The following HPSE2 variants were observed in gnomAD, a reference collection of about 807,000 sequenced individuals.
HPSE2 encodes the protein inactive heparanase-2.
A neutral mutation model predicts 60.5 loss-of-function variants in HPSE2; 38 were observed. That is an observed-to-expected ratio of 0.63 (90% CI 0.48 to 0.82). The LOEUF is 0.82. HPSE2 is among the 40% of genes least tolerant of loss of function. HPSE2 has a pLI of 0.00. For synonymous variants in HPSE2, 295 were observed against 293.2 expected, an observed-to-expected ratio of 1.01 and a Z score of -0.06; for missense variants, 713 against 740.4, an observed-to-expected ratio of 0.96 and a Z score of 0.43.
intron 7 of HPSE2, among the ~76,000 whole-genome samples, chr10:98,635,687 C>T (rs1025767097): frequency 6.7e-6 from 1 of 150,216 alleles, no homozygotes; most frequent in South Asian, 2.1e-4. Context: ...GAGGCTGAAG[C>T]AGGAGGAGCG....
At chr10:98,925,897 G>A (rs1954445023) in intron 3 of HPSE2, among the ~76,000 whole-genome samples, 1 of 152,118 alleles carries the variant, frequency 6.6e-6, no homozygotes. Context: ...TTAAAGACAA[G>A]AAGAAAACCC....
chr10:98,991,720 G>C (rs966877357), intron 3 of HPSE2, among the ~76,000 whole-genome samples: 1 of 152,086 alleles, frequency 6.6e-6, no homozygotes, highest in Admixed American at 6.5e-5. Flanking sequence ...GTTTTGAAGA[G>C]AGAAGAGAAA....
At chr10:99,082,742 A>G (rs1843189046) in intron 3 of HPSE2, among the ~76,000 whole-genome samples, 1 of 152,208 alleles carries the variant, frequency 6.6e-6, no homozygotes, top group Admixed American at 6.5e-5. Context: ...ATAAATTCAC[A>G]GGGAATACAA....
the HPSE2 span, among the ~76,000 whole-genome samples, chr10:99,247,995 G>A: frequency 1.6e-3 from 242 of 152,308 alleles, 1 homozygote; most frequent in African/African-American, 5.2e-3. Context: ...AGAACCATGA[G>A]CCAACTAAAC....
upstream of HPSE2, among the ~76,000 whole-genome samples, chr10:99,237,285 C>G (rs1204001903): frequency 3.9e-5 from 6 of 152,156 alleles, no homozygotes; most frequent in Non-Finnish European, 8.8e-5. Flanking sequence ...GTCCAGGGCC[C>G]TCCTTGGTAT....
At position 98,652,363 on chromosome 10, in the gene HPSE2, A is replaced by G. The variant is rs549579810; in HGVS notation, c.1005-10423T>C. Among the ~76,000 whole-genome samples the G allele has an allele frequency of 4.7e-4, 72 of 152,240 alleles. No homozygotes were observed. The South Asian group carries it at 0.014, about 29-fold the overall frequency. On this transcript the variant is annotated intron_variant, in intron 6 of 11. Transcript: ENST00000370552. ...CATCGTCTCTGCCTCTGTTCTTTAC[A>G]TCTGTGTATCCTACTAAGCCTCATG... is the stretch of plus-strand genomic sequence containing the variant.
chr10:99,103,232 C>T lies in HPSE2; in HGVS notation c.610+41006G>A, dbSNP rs1200668331. On this transcript the variant is annotated intron_variant, in intron 3 of 11. Coordinates refer to ENST00000370552, the MANE Select transcript of HPSE2 (RefSeq NM_021828.5). ...ATGACATGATTGTATATCTAGAAAA[C>T]CCCATTGTCTCAGCCAAAAATCTCC... 2.6e-5 allele frequency among the ~76,000 whole-genome samples: 4 copies of T among 152,118 alleles called. No individual in the cohort carries two copies. The South Asian group carries it at 6.2e-4, about 24-fold the overall frequency.
At chr10:98,764,323 G>C (rs1041861488) in intron 3 of HPSE2, among the ~76,000 whole-genome samples, 3 of 151,698 alleles carry the variant, frequency 2.0e-5, no homozygotes, top group African/African-American at 7.3e-5. Flanking sequence ...GGGAGAAATG[G>C]GGGAATAGAG....
intron 5 of HPSE2, among the ~76,000 whole-genome samples, chr10:98,699,100 C>T (rs1948325864): frequency 1.3e-5 from 2 of 151,668 alleles, no homozygotes; most frequent in Non-Finnish European, 2.9e-5. Context: ...GAAACTATTC[C>T]AATCAATAGA....
At chr10:98,996,142 T>A (rs184415708) in intron 3 of HPSE2, among the ~76,000 whole-genome samples, 6 of 152,294 alleles carry the variant, frequency 3.9e-5, no homozygotes, top group African/African-American at 1.2e-4. Flanking sequence ...GATTGGTTAA[T>A]GATATTATAA....
At chr10:98,705,063 GA>G (rs938173934) in intron 5 of HPSE2, among the ~76,000 whole-genome samples, 2 of 151,744 alleles carry the variant, frequency 1.3e-5, no homozygotes, top group African/African-American at 4.8e-5. Context: ...AAATTTACAA[GA>G]AAAAAACAAC....
chr10:99,102,788 T>C (rs1844064471), intron 3 of HPSE2, among the ~76,000 whole-genome samples: 1 of 152,118 alleles, frequency 6.6e-6, no homozygotes, highest in Non-Finnish European at 1.5e-5. Context: ...CCCACCATGA[T>C]CAAGTGGGCT....
chr10:98,709,250 C>T (rs1303494145), intron 5 of HPSE2, among the ~76,000 whole-genome samples: 1 of 152,162 alleles, frequency 6.6e-6, no homozygotes, highest in East Asian at 1.9e-4. Context: ...CGGAATAGTG[C>T]TGTCAGGAGT....
the HPSE2 span, among the ~76,000 whole-genome samples, chr10:99,292,067 T>C: frequency 6.6e-6 from 1 of 152,136 alleles, no homozygotes; most frequent in Non-Finnish European, 1.5e-5. Flanking sequence ...GCCAAATAAA[T>C]GGCTTTTGAA....
chr10:98,998,800 C>T (rs911001105), intron 3 of HPSE2, among the ~76,000 whole-genome samples: 3 of 152,188 alleles, frequency 2.0e-5, no homozygotes, highest in Non-Finnish European at 4.4e-5. Context: ...TCTACCCATG[C>T]AAAAGGTATA....
intron 2 of HPSE2, among the ~76,000 whole-genome samples, chr10:99,162,178 T>A (rs967572523): frequency 6.6e-6 from 1 of 152,212 alleles, no homozygotes; most frequent in African/African-American, 2.4e-5. Context: ...AATTCTGTTA[T>A]AATGGTAAAT....
chr10:98,980,570 T>C (rs1454496743), intron 3 of HPSE2, among the ~76,000 whole-genome samples: 1 of 152,182 alleles, frequency 6.6e-6, no homozygotes, highest in African/African-American at 2.4e-5. Context: ...TTTTGCCTTA[T>C]TTGAACAGTT....
chr10:98,697,128 G>A (rs1272253089), intron 5 of HPSE2, among the ~76,000 whole-genome samples: 1 of 152,166 alleles, frequency 6.6e-6, no homozygotes, highest in African/African-American at 2.4e-5. Flanking sequence ...TCCAGCAAGG[G>A]CACAGAACTG....
At chr10:99,191,431 C>T (rs1848219168) in intron 2 of HPSE2, among the ~76,000 whole-genome samples, 1 of 152,130 alleles carries the variant, frequency 6.6e-6, no homozygotes, top group African/African-American at 2.4e-5. Context: ...AGACTGTTTC[C>T]ATTTGTTTGC....
Sources: allele counts gnomAD v4.1 joint callset (sites outside exome capture counted in the v4.1 genomes callset), GRCh38; gene constraint gnomAD v4.1.1; transcripts MANE v1.5; gene names NCBI Gene and HGNC (gene_info 2026-07-23, HGNC 2026-07-21).